Variants in STEAP1B observed in about 807,000 individuals in gnomAD.
STEAP1B encodes STEAP family protein MGC87042.
STEAP1B carries 13 observed loss-of-function variants against 27.9 expected under a neutral mutation model. The ratio of observed to expected loss-of-function variants is 0.47; its 90% CI spans 0.30 to 0.74. The LOEUF (loss-of-function observed/expected upper bound fraction) is 0.74, where lower values mean the gene tolerates loss of function less well. Ranked by LOEUF, STEAP1B falls within the 30% of genes least tolerant of loss-of-function variation. STEAP1B has a pLI of 0.06. For missense variants in STEAP1B, 250 were observed against 298.7 expected (o/e 0.84, Z 1.20); for synonymous variants, 86 against 107.1 (o/e 0.80, Z 1.22).
chr7:22,478,076 G>A (rs141620596), intron 4 of STEAP1B, among the ~76,000 whole-genome samples: 98 of 152,298 alleles, frequency 6.4e-4, no homozygotes, highest in African/African-American at 2.1e-3. Flanking sequence ...CTGAGAGTGG[G>A]GTGGGCGCTC....
rs1406292697 is a variant in STEAP1B, at chr7:22,445,449, C to T, written c.763-25613G>A. ...GTCAGCCAGTCGTGCTGGGATCTGC[C>T]GGCAGCCTTGTGAGAACCGGGCAGG... is the stretch of plus-strand genomic sequence containing the variant. On this transcript the variant is annotated intron_variant, in intron 4 of 4. Coordinates refer to ENST00000678116, the MANE Select transcript of STEAP1B (RefSeq NM_001382447.1). Among the ~76,000 whole-genome samples, 11 of 152,398 alleles carry T rather than the reference C, an allele frequency of 7.2e-5. No homozygotes were observed. In the East Asian group the frequency reaches 1.4e-3, roughly 19 times the overall value.
intron 4 of STEAP1B, among the ~76,000 whole-genome samples, chr7:22,489,317 A>C (rs1238695712): frequency 2.0e-5 from 3 of 152,204 alleles, no homozygotes; most frequent in African/African-American, 7.2e-5. Context: ...ACCATACTTA[A>C]ACAGTACTAT....
intron 4 of STEAP1B, among the ~76,000 whole-genome samples, chr7:22,473,109 A>G (rs975608264): frequency 6.6e-6 from 1 of 152,306 alleles, no homozygotes; most frequent in East Asian, 1.9e-4. Flanking sequence ...AAGATGAAAA[A>G]TATAACGTGA....
At chr7:22,478,474 C>T (rs1159032078) in intron 4 of STEAP1B, among the ~76,000 whole-genome samples, 5 of 152,056 alleles carry the variant, frequency 3.3e-5, no homozygotes, top group African/African-American at 7.2e-5. Context: ...GATAGCCACA[C>T]GCTGTCACAG....
intron 4 of STEAP1B, chr7:22,438,522 T>A: frequency 2.6e-6 from 4 of 1,550,630 alleles, no homozygotes; most frequent in Non-Finnish European, 3.5e-6. Flanking sequence ...ATAACTTGTC[T>A]TTTTTATTGA....
intron 4 of STEAP1B, among the ~76,000 whole-genome samples, chr7:22,463,361 A>G (rs899733267): frequency 3.9e-4 from 59 of 152,224 alleles, no homozygotes; most frequent in Non-Finnish European, 7.2e-4. Flanking sequence ...AATCAATATC[A>G]TGAAAATGGC....
At chr7:22,438,874 TA>T in intron 4 of STEAP1B, 1 of 1,234,752 alleles carries the variant, frequency 8.1e-7, no homozygotes, top group Non-Finnish European at 1.0e-6. Flanking sequence ...TAAAATGGGA[TA>T]AAATCTCAAC....
chr7:22,438,419 C>G lies in STEAP1B; in HGVS notation c.763-18583G>C, dbSNP rs1785281571. On this transcript the variant is annotated intron_variant, in intron 4 of 4. Transcript: ENST00000678116. ...GATGTCCACTTTGTACTTCCAGCTTCTACCATGGTCTGGTCTGCAAGTATG... is the reference window on the plus strand; with the variant it reads ...GATGTCCACTTTGTACTTCCAGCTTGTACCATGGTCTGGTCTGCAAGTATG... 2.0e-6 allele frequency: 3 copies of G among 1,470,858 alleles called. No homozygotes were observed. The African/African-American group carries it at 4.2e-5, about 21-fold the overall frequency. The allele number at this position is 1,470,858 out of a possible 1,614,324, so 91.1% of individuals were successfully genotyped here.
At chr7:22,491,136 G>A (rs528069946) in intron 4 of STEAP1B, among the ~76,000 whole-genome samples, 2 of 152,186 alleles carry the variant, frequency 1.3e-5, no homozygotes, top group Admixed American at 6.5e-5. Context: ...TAGAATTGGA[G>A]TATCTTTCTA....
intron 4 of STEAP1B, among the ~76,000 whole-genome samples, chr7:22,479,248 T>A (rs1365191121): frequency 1.3e-5 from 2 of 151,954 alleles, no homozygotes; most frequent in Non-Finnish European, 2.9e-5. Context: ...GAGAGGTAGA[T>A]GGAAGAAACA....
intron 4 of STEAP1B, among the ~76,000 whole-genome samples, chr7:22,439,205 A>AG (rs1325471472): frequency 6.6e-6 from 1 of 152,214 alleles, no homozygotes; most frequent in African/African-American, 2.4e-5. Context: ...CAGCTGCAGA[A>AG]GGTGTGTTTA....
At chr7:22,486,486 C>T (rs1387171555) in intron 4 of STEAP1B, among the ~76,000 whole-genome samples, 1 of 152,142 alleles carries the variant, frequency 6.6e-6, no homozygotes, top group Admixed American at 6.5e-5. Context: ...CCTTAAACTT[C>T]CTCCTATGCC....
At chr7:22,451,877 T>C (rs1446749929) in intron 4 of STEAP1B, among the ~76,000 whole-genome samples, 2 of 152,252 alleles carry the variant, frequency 1.3e-5, no homozygotes, top group African/African-American at 2.4e-5. Flanking sequence ...TGTCTGGTTT[T>C]AGTATCAGAG....
At chr7:22,456,051 G>A (rs1415517715) in intron 4 of STEAP1B, among the ~76,000 whole-genome samples, 1 of 152,008 alleles carries the variant, frequency 6.6e-6, no homozygotes, top group East Asian at 1.9e-4. Flanking sequence ...TGAGGCTGAG[G>A]CAGGAGAATG....
At chr7:22,496,660 T>C (rs1195037668) in intron 1 of STEAP1B, among the ~76,000 whole-genome samples, 2 of 152,226 alleles carry the variant, frequency 1.3e-5, no homozygotes, top group Non-Finnish European at 2.9e-5. Flanking sequence ...TAACATGCTA[T>C]ACAGATTAGC....
At chr7:22,425,434 A>G (rs1785093992) in intron 4 of STEAP1B, among the ~76,000 whole-genome samples, 1 of 152,198 alleles carries the variant, frequency 6.6e-6, no homozygotes, top group Admixed American at 6.5e-5. Context: ...GCAACCCTGC[A>G]ATTAAGTCAA....
At chr7:22,450,998 CA>C (rs1785479349) in intron 4 of STEAP1B, among the ~76,000 whole-genome samples, 1 of 152,034 alleles carries the variant, frequency 6.6e-6, no homozygotes, top group African/African-American at 2.4e-5. Flanking sequence ...AGTTCAAGAC[CA>C]GCCTGGCTAA....
In STEAP1B at chr7:22,475,417, A is replaced by C. The variant is rs373100697; in HGVS notation, c.762+17148T>G. 9.2e-5 allele frequency among the ~76,000 whole-genome samples: 14 copies of C among 152,326 alleles called. No homozygotes were observed. In the East Asian group the frequency reaches 2.1e-3, roughly 23 times the overall value. The stretch of plus-strand genomic sequence containing the variant: ...GAGTCAGGGTCTTCTTCTGTTCTCC[A>C]GGCTGGAGTGCAATGAGGATCACAG... On this transcript the variant is annotated intron_variant, in intron 4 of 4. Coordinates refer to ENST00000678116, the MANE Select transcript of STEAP1B (RefSeq NM_001382447.1).
At chr7:22,475,825 C>A (rs1453504547) in intron 4 of STEAP1B, among the ~76,000 whole-genome samples, 2 of 152,172 alleles carry the variant, frequency 1.3e-5, no homozygotes, top group Non-Finnish European at 2.9e-5. Context: ...AATTTTGGAT[C>A]AAATCAAGGT....
Sources: allele counts gnomAD v4.1 joint callset (sites outside exome capture counted in the v4.1 genomes callset), GRCh38; gene constraint gnomAD v4.1.1; transcripts MANE v1.5; gene names NCBI Gene and HGNC (gene_info 2026-07-23, HGNC 2026-07-21).